The following ATP9A variants were observed in gnomAD, a reference collection of about 807,000 sequenced individuals.
The protein encoded by ATP9A is ATPase phospholipid transporting 9A.
In ATP9A, 52 loss-of-function variants were observed where a neutral mutation model predicts 144.1. That is an observed-to-expected ratio of 0.36 (90% confidence interval 0.29 to 0.45). The LOEUF is 0.45. Among genes scored for constraint, ATP9A ranks in the 20% least tolerant of loss-of-function variants. The probability of loss-of-function intolerance (pLI) is 1.00; values close to 1 mark genes in which losing one functional copy is unlikely to be tolerated. For missense variants in ATP9A, 947 were observed against 1,392.7 expected, an observed-to-expected ratio of 0.68 and a Z score of 5.09; for synonymous variants, 582 against 557.4, an observed-to-expected ratio of 1.04 and a Z score of -0.62.
At chr20:51,750,978 T>TA (rs151204751) in intron 1 of ATP9A, among the ~76,000 whole-genome samples, 3,522 of 152,282 alleles carry the variant, frequency 0.023, 62 homozygotes, top group Non-Finnish European at 0.037. Context: ...CATTGGGGTC[T>TA]AAGAGCTCTA....
intron 1 of ATP9A, among the ~76,000 whole-genome samples, chr20:51,757,938 CAACT>C (rs1352680548): frequency 1.3e-5 from 2 of 152,000 alleles, no homozygotes; most frequent in Non-Finnish European, 2.9e-5. Flanking sequence ...TAAGCACAAC[CAACT>C]ATCCTATTTC....
chr20:51,760,501 CG>C (rs2077874656), intron 1 of ATP9A, among the ~76,000 whole-genome samples: 2 of 152,158 alleles, frequency 1.3e-5, no homozygotes, highest in East Asian at 3.9e-4. Context: ...CCAAGGCAGG[CG>C]GATCACCTGA....
Position 51,671,188 on chromosome 20 carries a change from G to C in ATP9A, c.1107C>G (p.Pro369=). The change falls in exon 12 of 28, where the codon CCC becomes CCG. Residue 369 remains proline (P), a synonymous_variant. Transcript: ENST00000338821. ...TCGTGCTGGAGCGAACCACGGTCCCGGGGATTTTCGAGTCCCTTCGAATCA... is the reference window on the plus strand; with the variant it reads ...TCGTGCTGGAGCGAACCACGGTCCCCGGGATTTTCGAGTCCCTTCGAATCA... ...SWVIRRDSKI[P]GTVVRSSTIP... 1.2e-6 allele frequency: 2 copies of C among 1,614,054 alleles called. No individual in the cohort carries two copies. Among genetic ancestry groups the C allele is most frequent in the Non-Finnish European group, 8.5e-7 (1 of 1,179,984 alleles).
chr20:51,766,736 G>A (rs1397712752), intron 1 of ATP9A, among the ~76,000 whole-genome samples: 7 of 152,116 alleles, frequency 4.6e-5, no homozygotes, highest in Admixed American at 6.5e-5. Flanking sequence ...AGCTACTCGG[G>A]AGGTTGAGGC....
At chr20:51,761,438 T>C (rs2077879969) in intron 1 of ATP9A, among the ~76,000 whole-genome samples, 1 of 152,112 alleles carries the variant, frequency 6.6e-6, no homozygotes, top group Non-Finnish European at 1.5e-5. Context: ...CATCGGTGTG[T>C]GACAGCTTCT....
At chr20:51,659,214 C>T (rs981098839) in intron 13 of ATP9A, among the ~76,000 whole-genome samples, 12 of 152,178 alleles carry the variant, frequency 7.9e-5, no homozygotes, top group African/African-American at 2.9e-4. Flanking sequence ...ACTCCACTTG[C>T]CTTCCCGTTG....
chr20:51,738,338 T>A (rs995263188), intron 1 of ATP9A, among the ~76,000 whole-genome samples: 2 of 151,730 alleles, frequency 1.3e-5, no homozygotes, highest in African/African-American at 2.4e-5. Context: ...GCCTAAAAAA[T>A]TTTTTAAAAA....
At chr20:51,670,403 A>C (rs2077451056) in intron 12 of ATP9A, among the ~76,000 whole-genome samples, 1 of 152,242 alleles carries the variant, frequency 6.6e-6, no homozygotes, top group Non-Finnish European at 1.5e-5. Context: ...CAAGAGGGTG[A>C]CAAATGACAT....
chr20:51,606,507 C>A (rs2077164256), intron 26 of ATP9A, among the ~76,000 whole-genome samples: 1 of 152,050 alleles, frequency 6.6e-6, no homozygotes, highest in South Asian at 2.1e-4. Flanking sequence ...GATCAGCCTG[C>A]ACAACATGGT....
rs57790927 is a variant in ATP9A, at chr20:51,683,718, G to T, written c.799+5346C>A. 4.7e-3 allele frequency among the ~76,000 whole-genome samples: 708 copies of T among 152,160 alleles called. 10 individuals carry two copies. The East Asian group carries it at 0.054, about 12-fold the overall frequency. On this transcript the variant is annotated intron_variant, in intron 9 of 27. Coordinates refer to ENST00000338821, the MANE Select transcript of ATP9A (RefSeq NM_006045.3). ...GGTGTGAGCTACTGCACCCAGCCTC[G>T]TTTTACACTTTCATTCCCCATAAGG...
intron 18 of ATP9A, among the ~76,000 whole-genome samples, chr20:51,623,275 G>A (rs1048541814): frequency 2.0e-5 from 3 of 152,162 alleles, no homozygotes; most frequent in Admixed American, 6.5e-5. Context: ...GGAAGGAATT[G>A]GGAAGTTCAA....
At chr20:51,734,273 C>T (rs188406317) in intron 1 of ATP9A, among the ~76,000 whole-genome samples, 8 of 152,118 alleles carry the variant, frequency 5.3e-5, no homozygotes, top group African/African-American at 1.7e-4. Context: ...GTGAGCCACC[C>T]CACTCAGCCC....
intron 2 of ATP9A, among the ~76,000 whole-genome samples, chr20:51,726,301 G>A (rs868864306): frequency 5.4e-4 from 51 of 94,830 alleles, no homozygotes; most frequent in African/African-American, 1.8e-3. Context: ...CAACAAGAGC[G>A]AAACTCTGTC....
At chr20:51,698,792 G>A (rs553425564) in intron 4 of ATP9A, among the ~76,000 whole-genome samples, 30 of 152,236 alleles carry the variant, frequency 2.0e-4, no homozygotes, top group African/African-American at 6.3e-4. Flanking sequence ...GCATGCACAC[G>A]GCCAAAGGCT....
At chr20:51,651,165 TAC>T (rs140658156) in intron 14 of ATP9A, among the ~76,000 whole-genome samples, 3 of 140,276 alleles carry the variant, frequency 2.1e-5, no homozygotes, top group Non-Finnish European at 3.0e-5. Flanking sequence ...TATATATATA[TAC>T]ACACACACAC....
chr20:51,712,804 T>C (rs567750470), intron 4 of ATP9A, among the ~76,000 whole-genome samples, 162 bp downstream of exon 4: 1 of 152,224 alleles, frequency 6.6e-6, no homozygotes, highest in Non-Finnish European at 1.5e-5. Flanking sequence ...CAACCTGTCA[T>C]CCAGGGCAGA....
chr20:51,748,858 C>T (rs1314861206), intron 1 of ATP9A, among the ~76,000 whole-genome samples: 1 of 152,014 alleles, frequency 6.6e-6, no homozygotes, highest in African/African-American at 2.4e-5. Context: ...CCCAGGTTCA[C>T]TTGAGGCCAA....
At chr20:51,637,456 C>T (rs2077297211) in intron 15 of ATP9A, among the ~76,000 whole-genome samples, 2 of 151,986 alleles carry the variant, frequency 1.3e-5, no homozygotes, top group Admixed American at 1.3e-4. Context: ...CCTGTTCTAA[C>T]CCACAGGGAG....
Position 51,624,416 on chromosome 20 carries a change from A to G in ATP9A, c.2016+776T>C, listed in dbSNP as rs117697714. Among the ~76,000 whole-genome samples, 1,381 of 152,046 alleles carry G rather than the reference A, an allele frequency of 9.1e-3. 10 individuals carry two copies. Among genetic ancestry groups the G allele is most frequent in the Middle Eastern group, 0.017 (5 of 294 alleles). ...TTGGTCCACTGAGGACCAGGTCCTC[A>G]CGCGCCCTCTGCTGGCCCCTCCAGA... On this transcript the variant is annotated intron_variant, in intron 18 of 27. Transcript: ENST00000338821.
Sources: allele counts gnomAD v4.1 joint callset (sites outside exome capture counted in the v4.1 genomes callset), GRCh38; gene constraint gnomAD v4.1.1; transcripts MANE v1.5; gene names NCBI Gene and HGNC (gene_info 2026-07-23, HGNC 2026-07-21).